Variants in TYW1 observed in about 807,000 individuals in gnomAD.
TYW1 encodes tRNA-yW synthesizing protein 1 homolog, also known as S-adenosyl-L-methionine-dependent tRNA 4-demethylwyosine synthase TYW1.
A neutral mutation model predicts 96.2 loss-of-function variants in TYW1; 46 were observed. That is an observed-to-expected ratio of 0.48 (90% CI 0.38 to 0.61). The LOEUF is 0.61. Among genes scored for constraint, TYW1 ranks in the 20% least tolerant of loss-of-function variants. TYW1 has a pLI of 0.00. For synonymous variants in TYW1, 274 were observed against 323.0 expected (o/e 0.85, Z 1.63); for missense variants, 684 against 909.6 (o/e 0.75, Z 3.19).
intron 15 of TYW1, among the ~76,000 whole-genome samples, chr7:67,207,251 C>T (rs775089857): frequency 5.9e-5 from 9 of 152,192 alleles, no homozygotes; most frequent in African/African-American, 1.2e-4. Context: ...TCAGATTCTC[C>T]GTGTGCTTAG....
At chr7:67,062,339 G>C (rs1362525218) in intron 9 of TYW1, among the ~76,000 whole-genome samples, 2 of 151,958 alleles carry the variant, frequency 1.3e-5, no homozygotes, top group Non-Finnish European at 2.9e-5. Flanking sequence ...AACCCGGGAG[G>C]CGGAGGTTGC....
chr7:67,008,523 TTTG>T (rs1279284931), intron 3 of TYW1, among the ~76,000 whole-genome samples: 1 of 152,182 alleles, frequency 6.6e-6, no homozygotes, highest in African/African-American at 2.4e-5. Context: ...CATTCCATCT[TTTG>T]TTGTAGTGGC....
chr7:67,204,183 A>G (rs1271588503), intron 15 of TYW1, among the ~76,000 whole-genome samples: 1 of 152,132 alleles, frequency 6.6e-6, no homozygotes, highest in Non-Finnish European at 1.5e-5. Flanking sequence ...TGTTCTCCAG[A>G]TACTTTTTTC....
intron 15 of TYW1, among the ~76,000 whole-genome samples, chr7:67,204,524 C>T (rs1348413564): frequency 3.4e-5 from 5 of 145,110 alleles, no homozygotes; most frequent in African/African-American, 1.3e-4. Flanking sequence ...TTTCCTTCTT[C>T]TTCTTCCTCT....
chr7:67,173,243 T>C (rs1253183805), intron 13 of TYW1, among the ~76,000 whole-genome samples: 3 of 152,158 alleles, frequency 2.0e-5, no homozygotes, highest in Non-Finnish European at 4.4e-5. Flanking sequence ...TGTTTATACT[T>C]CTTGTAATGT....
At position 67,093,921 on chromosome 7, in the gene TYW1, G is replaced by A. The variant is rs2690199; in HGVS notation, c.1385-4620G>A. Among the ~76,000 whole-genome samples, 9 of 152,198 alleles carry A rather than the reference G, an allele frequency of 5.9e-5. No individual in the cohort carries two copies. In the South Asian group the frequency reaches 1.9e-3, roughly 32 times the overall value. ...TTTACATCGGTGTATTGTGTACTGCGGGAATTAGGCTTCTTGCATACCCAT... is the reference window on the plus strand; with the variant it reads ...TTTACATCGGTGTATTGTGTACTGCAGGAATTAGGCTTCTTGCATACCCAT... On this transcript the variant is annotated intron_variant, in intron 11 of 15. Coordinates refer to ENST00000359626, the MANE Select transcript of TYW1 (RefSeq NM_018264.4).
chr7:67,201,815 G>A (rs977966671), intron 15 of TYW1, among the ~76,000 whole-genome samples: 7 of 152,264 alleles, frequency 4.6e-5, no homozygotes, highest in Non-Finnish European at 1.0e-4. Context: ...GTGCTCTAGT[G>A]CCTCAATAGC....
rs767152007 is a variant in TYW1 at position 67,009,634 on chromosome 7, G to A, written c.325G>A (p.Ala109Thr). ...EAVTSLDLPV[A>T]IINLKEYDPD... ...AGTTACATCCCTGGATCTGCCTGTG[G>A]CCATTATTAATCTAAAAGAATATGA... The change falls in exon 4 of 16, where the codon GCC (alanine) becomes ACC (threonine). Residue 109 changes from alanine (A) to threonine (T), a missense_variant. Physicochemically the swap from Ala to Thr is moderately conservative, Grantham distance 58. Coordinates refer to ENST00000359626, the MANE Select transcript of TYW1 (RefSeq NM_018264.4). 1 of 1,612,206 alleles carries A rather than the reference G, an allele frequency of 6.2e-7. No individual in the cohort carries two copies. The highest frequency in any genetic ancestry group is 1.7e-5 in the Admixed American group (1 of 59,596).
intron 15 of TYW1, among the ~76,000 whole-genome samples, chr7:67,209,835 T>C (rs1800940709): frequency 6.6e-6 from 1 of 152,116 alleles, no homozygotes; most frequent in African/African-American, 2.4e-5. Context: ...GCCTCTCAAA[T>C]TGCTGGGATC....
At chr7:67,003,398 C>A (rs1337397760) in intron 3 of TYW1, among the ~76,000 whole-genome samples, 2 of 151,630 alleles carry the variant, frequency 1.3e-5, no homozygotes, top group African/African-American at 2.4e-5. Flanking sequence ...CACTGCTACT[C>A]CCCTGGTCCA....
intron 2 of TYW1, 43 bp from the exon 3 acceptor site, chr7:66,998,774 C>G: frequency 6.2e-7 from 1 of 1,604,262 alleles, no homozygotes; most frequent in Non-Finnish European, 8.5e-7. Context: ...AGTTGGGAAA[C>G]GATTTAGACT....
intron 13 of TYW1, among the ~76,000 whole-genome samples, chr7:67,149,764 A>ATCTATCTATCTC (rs1266528319): frequency 2.4e-5 from 2 of 83,256 alleles, no homozygotes; most frequent in Non-Finnish European, 5.0e-5. Flanking sequence ...CTATCTATCT[A>ATCTATCTATCTC]TCTATCTATC....
At chr7:67,021,213 A>G (rs1375088441) in intron 6 of TYW1, among the ~76,000 whole-genome samples, 1 of 152,286 alleles carries the variant, frequency 6.6e-6, no homozygotes, top group Admixed American at 6.5e-5. Context: ...TGAGTGAGCT[A>G]TTGAAGTGCA....
At chr7:67,138,872 A>G (rs994271179) in intron 13 of TYW1, among the ~76,000 whole-genome samples, 88 of 151,688 alleles carry the variant, frequency 5.8e-4, no homozygotes, top group African/African-American at 1.9e-3. Flanking sequence ...TTATCCATTC[A>G]TCTGCCATTG....
At chr7:67,024,340 A>AT (rs996623766) in intron 6 of TYW1, among the ~76,000 whole-genome samples, 2 of 151,852 alleles carry the variant, frequency 1.3e-5, no homozygotes, top group Non-Finnish European at 2.9e-5. Context: ...AATTGTATAC[A>AT]TTTTTTTGTA....
chr7:67,128,018 A>G (rs1482068660), intron 13 of TYW1, among the ~76,000 whole-genome samples: 3 of 152,018 alleles, frequency 2.0e-5, no homozygotes, highest in Non-Finnish European at 4.4e-5. Context: ...ATGCTTATCT[A>G]TAGTTTTTCT....
intron 4 of TYW1, among the ~76,000 whole-genome samples, chr7:67,011,703 C>T (rs1158442599): frequency 6.6e-6 from 1 of 152,030 alleles, no homozygotes; most frequent in Admixed American, 6.6e-5. Flanking sequence ...GAAACCACGT[C>T]TCTACTCAAA....
chr7:67,004,009 A>G (rs1043036673), intron 3 of TYW1, among the ~76,000 whole-genome samples: 1 of 150,956 alleles, frequency 6.6e-6, no homozygotes, highest in East Asian at 1.9e-4. Flanking sequence ...GCGCCACTGC[A>G]CTCCAGTCTG....
intron 12 of TYW1, among the ~76,000 whole-genome samples, chr7:67,109,357 A>G (rs1005671817): frequency 1.3e-5 from 2 of 151,972 alleles, no homozygotes; most frequent in African/African-American, 4.8e-5. Flanking sequence ...GTTGGATGTC[A>G]GCAGAAATAG....
Sources: allele counts gnomAD v4.1 joint callset (sites outside exome capture counted in the v4.1 genomes callset), GRCh38; gene constraint gnomAD v4.1.1; transcripts MANE v1.5; gene names NCBI Gene and HGNC (gene_info 2026-07-23, HGNC 2026-07-21).